The following TEX29 variants were observed in gnomAD, a reference collection of about 807,000 sequenced individuals.
The protein encoded by TEX29 is testis expressed 29.
A neutral mutation model predicts 18.2 loss-of-function variants in TEX29; 26 were observed. That is an observed-to-expected ratio of 1.43 (90% CI 1.04 to 1.98). The LOEUF (loss-of-function observed/expected upper bound fraction) is 1.98. TEX29 is among the 30% of genes most tolerant of loss of function. TEX29 has a pLI of 0.00. For synonymous variants in TEX29, 83 were observed against 78.5 expected, an observed-to-expected ratio of 1.06 and a Z score of -0.31; for missense variants, 177 against 194.2, an observed-to-expected ratio of 0.91 and a Z score of 0.53.
intron 3 of TEX29, among the ~76,000 whole-genome samples, chr13:111,331,122 C>G (rs189478794): frequency 6.4e-4 from 98 of 152,224 alleles, no homozygotes; most frequent in Middle Eastern, 3.4e-3. Flanking sequence ...AGGGAACTTC[C>G]CAACTGTTTT....
At chr13:111,316,872 C>A (rs984349474), upstream of TEX29, among the ~76,000 whole-genome samples, 2 of 152,118 alleles carry the variant, frequency 1.3e-5, no homozygotes, top group African/African-American at 4.8e-5. Context: ...AGGAAACTTA[C>A]AATCATGGCA....
chr13:111,327,840 G>A (rs191971656), intron 2 of TEX29, among the ~76,000 whole-genome samples: 34 of 152,296 alleles, frequency 2.2e-4, no homozygotes, highest in South Asian at 1.4e-3. Context: ...ATAATTACAC[G>A]TTCCCTCCCG....
At chr13:111,337,266 G>A (rs1481068364) in intron 3 of TEX29, among the ~76,000 whole-genome samples, 1 of 152,178 alleles carries the variant, frequency 6.6e-6, no homozygotes, top group African/African-American at 2.4e-5. Context: ...TTTGCTGGGT[G>A]GGTTGGGTTT....
chr13:111,318,418 C>T (rs781611543), upstream of TEX29, among the ~76,000 whole-genome samples: 1 of 152,218 alleles, frequency 6.6e-6, no homozygotes, highest in Non-Finnish European at 1.5e-5. Context: ...CCCATATAGA[C>T]AGAGCTGAGT....
At chr13:111,331,170 C>T (rs916968110) in intron 3 of TEX29, among the ~76,000 whole-genome samples, 17 of 152,316 alleles carry the variant, frequency 1.1e-4, no homozygotes, top group African/African-American at 2.4e-4. Context: ...CAATCAGCAG[C>T]GTATGCGAGT....
At chr13:111,317,618 A>C (rs980451614), upstream of TEX29, among the ~76,000 whole-genome samples, 1 of 152,228 alleles carries the variant, frequency 6.6e-6, no homozygotes, top group African/African-American at 2.4e-5. Flanking sequence ...GTCCCAGCGA[A>C]GTCATCAACA....
At chr13:111,325,248 T>C (rs2093670907) in intron 2 of TEX29, among the ~76,000 whole-genome samples, 1 of 152,208 alleles carries the variant, frequency 6.6e-6, no homozygotes, top group Admixed American at 6.5e-5. Context: ...AGCCGATGGC[T>C]CCTCTCCCTC....
At chr13:111,330,948 C>G (rs978555499) in intron 3 of TEX29, among the ~76,000 whole-genome samples, 1 of 152,156 alleles carries the variant, frequency 6.6e-6, no homozygotes, top group African/African-American at 2.4e-5. Flanking sequence ...ACCCATCTAT[C>G]GGTTTATAGA....
chr13:111,343,065 C>G lies in TEX29; in HGVS notation c.415+134C>G. 4 of 1,111,372 alleles carry G rather than the reference C, an allele frequency of 3.6e-6. No homozygotes were observed. The South Asian group carries it at 7.5e-5, about 21-fold the overall frequency. 68.8% of individuals were successfully genotyped at this position (1,111,372 alleles called of 1,614,324 possible). ...TCAGTGATCAGTGTTGCAGTTTGTT[C>G]AAAATTGTAATGTACCCAACATTGG... On this transcript the variant is annotated intron_variant, in intron 5 of 5. Transcript: ENST00000283547.
chr13:111,318,234 C>A (rs1243777848), upstream of TEX29, among the ~76,000 whole-genome samples: 3 of 152,150 alleles, frequency 2.0e-5, no homozygotes, highest in Non-Finnish European at 4.4e-5. Flanking sequence ...AGTTAGGGGT[C>A]CTCAGAGGTA....
intron 4 of TEX29, 136 bp from the exon 5 acceptor site, chr13:111,342,620 C>A: frequency 3.1e-6 from 2 of 652,936 alleles, no homozygotes; most frequent in Non-Finnish European, 4.8e-6. Flanking sequence ...TACATCAAAG[C>A]ATTTACCTTA....
intron 3 of TEX29, among the ~76,000 whole-genome samples, chr13:111,335,531 G>A (rs958211077): frequency 3.3e-5 from 5 of 152,206 alleles, no homozygotes; most frequent in Admixed American, 3.3e-4. Flanking sequence ...TGAAATTGAG[G>A]TTTGCTGCTC....
intron 3 of TEX29, among the ~76,000 whole-genome samples, chr13:111,331,725 A>G (rs2093683010): frequency 6.6e-6 from 1 of 152,072 alleles, no homozygotes; most frequent in African/African-American, 2.4e-5. Context: ...TTTTTGAGTT[A>G]ACTTTTGTAT....
At chr13:111,321,623 AAC>A (rs1438808938) in intron 2 of TEX29, among the ~76,000 whole-genome samples, 3 of 137,804 alleles carry the variant, frequency 2.2e-5, no homozygotes, top group Non-Finnish European at 3.1e-5. Flanking sequence ...CAACAACAAA[AAC>A]AAAAAAAAAC....
chr13:111,342,835 T>G lies in TEX29; in HGVS notation c.319T>G (p.Leu107Val), dbSNP rs775004490. The stretch of plus-strand genomic sequence containing the variant: ...ACAGAAGTCCAGCGAAAAGGCGGAG[T>G]TGGCCTCATCCAGCAGCAAGTTAGG... ...LPQKSSEKAE[L>V]ASSSSKLGLK... Residue 107 changes from leucine (L) to valine (V), a missense_variant, in exon 5 of 6, where the codon TTG (leucine) becomes GTG (valine). Leu to Val is a conservative substitution (Grantham distance 32). Transcript: ENST00000283547. 1 of 1,614,010 alleles carries G rather than the reference T, an allele frequency of 6.2e-7. No individual in the cohort carries two copies. Among genetic ancestry groups the G allele is most frequent in the Non-Finnish European group, 8.5e-7 (1 of 1,180,006 alleles).
chr13:111,326,445 T>C (rs1376097148), intron 2 of TEX29, among the ~76,000 whole-genome samples: 65 of 26,614 alleles, frequency 2.4e-3, no homozygotes, highest in Admixed American at 3.3e-3. Flanking sequence ...CTGGCGCTGG[T>C]GGGTGTCTGG....
intron 2 of TEX29, among the ~76,000 whole-genome samples, chr13:111,324,907 C>T (rs1017500215): frequency 3.3e-5 from 5 of 152,114 alleles, no homozygotes; most frequent in Non-Finnish European, 2.9e-5. Flanking sequence ...CTGGCGTGGG[C>T]GTGTTAGAAG....
chr13:111,339,054 G>C (rs900077933), intron 3 of TEX29, among the ~76,000 whole-genome samples: 1 of 152,180 alleles, frequency 6.6e-6, no homozygotes, highest in Non-Finnish European at 1.5e-5. Context: ...AGGCTCAGGA[G>C]GGGGCTGAGC....
At chr13:111,317,821 G>A (rs901504272), upstream of TEX29, among the ~76,000 whole-genome samples, 1 of 152,120 alleles carries the variant, frequency 6.6e-6, no homozygotes, top group Non-Finnish European at 1.5e-5. Flanking sequence ...GCTCGCAGGC[G>A]CCTTGCTCCT....
Sources: allele counts gnomAD v4.1 joint callset (sites outside exome capture counted in the v4.1 genomes callset), GRCh38; gene constraint gnomAD v4.1.1; transcripts MANE v1.5; gene names NCBI Gene and HGNC (gene_info 2026-07-23, HGNC 2026-07-21).